The following KCNIP1 variants were observed in gnomAD, a reference collection of about 807,000 sequenced individuals.
KCNIP1 encodes the protein potassium voltage-gated channel interacting protein 1, also known as A-type potassium channel modulatory protein KCNIP1.
KCNIP1 carries 18 observed loss-of-function variants against 33.0 expected under a neutral mutation model. The ratio of observed to expected loss-of-function variants is 0.55; its 90% CI spans 0.38 to 0.81. KCNIP1 has a LOEUF of 0.81. Ranked by LOEUF, KCNIP1 falls within the 30% of genes least tolerant of loss-of-function variation. The pLI is 0.00. For missense variants in KCNIP1, 238 were observed against 271.6 expected (o/e 0.88, Z 0.87); for synonymous variants, 93 against 98.3 (o/e 0.95, Z 0.32).
chr5:170,529,549 C>T (rs186475112), intron 1 of KCNIP1, among the ~76,000 whole-genome samples: 20 of 152,328 alleles, frequency 1.3e-4, no homozygotes, highest in African/African-American at 4.6e-4. Context: ...ACACAGGTTT[C>T]TGTAAAGCCT....
chr5:170,662,459 C>T (rs1761536582), intron 1 of KCNIP1, among the ~76,000 whole-genome samples: 1 of 152,164 alleles, frequency 6.6e-6, no homozygotes, highest in East Asian at 1.9e-4. Flanking sequence ...CCAAGACTGC[C>T]CAGGTCTCCG....
At chr5:170,602,569 C>T (rs544265718) in intron 1 of KCNIP1, among the ~76,000 whole-genome samples, 4 of 152,350 alleles carry the variant, frequency 2.6e-5, no homozygotes, top group South Asian at 2.1e-4. Flanking sequence ...AGGACCACAG[C>T]GGTGACCACT....
intron 1 of KCNIP1, among the ~76,000 whole-genome samples, chr5:170,653,653 G>A (rs6889236): frequency 0.38 from 56,943 of 151,546 alleles, 10,910 homozygotes; most frequent in East Asian, 0.5. Context: ...GGCCTGGAGC[G>A]GCACAGCATT....
At chr5:170,651,032 T>C (rs1761024193) in intron 1 of KCNIP1, among the ~76,000 whole-genome samples, 1 of 152,170 alleles carries the variant, frequency 6.6e-6, no homozygotes, top group Non-Finnish European at 1.5e-5. Context: ...AAGGGGAAAT[T>C]TAGGCCCAAA....
chr5:170,571,653 C>T (rs529395469), intron 1 of KCNIP1, among the ~76,000 whole-genome samples: 1 of 152,274 alleles, frequency 6.6e-6, no homozygotes, highest in East Asian at 1.9e-4. Flanking sequence ...GAGAGCACGT[C>T]CATCTGACTC....
intron 1 of KCNIP1, among the ~76,000 whole-genome samples, chr5:170,682,793 T>TTTTTC (rs1762401635): frequency 7.9e-6 from 1 of 127,244 alleles, no homozygotes; most frequent in South Asian, 3.0e-4. Flanking sequence ...TCTTTTTTTT[T>TTTTTC]TTTTTTTTTT....
At chr5:170,362,145 AG>A (rs1319299689) in intron 1 of KCNIP1, among the ~76,000 whole-genome samples, 3 of 152,146 alleles carry the variant, frequency 2.0e-5, no homozygotes, top group African/African-American at 7.2e-5. Context: ...GAAACCTAGG[AG>A]GTGGAGTGCT....
At chr5:170,702,493 G>C (rs577215940) in intron 1 of KCNIP1, among the ~76,000 whole-genome samples, 159 of 152,334 alleles carry the variant, frequency 1.0e-3, no homozygotes, top group Middle Eastern at 3.4e-3. Context: ...ATGGGTGGCA[G>C]AGAGCTTGAG....
At chr5:170,471,566 T>G (rs1756728634) in intron 1 of KCNIP1, among the ~76,000 whole-genome samples, 2 of 152,322 alleles carry the variant, frequency 1.3e-5, no homozygotes, top group Admixed American at 1.3e-4. Context: ...AGCTGGGATT[T>G]AAAGTCCGCC....
At chr5:170,624,462 G>A (rs549756739) in intron 1 of KCNIP1, among the ~76,000 whole-genome samples, 24 of 152,106 alleles carry the variant, frequency 1.6e-4, no homozygotes, top group Admixed American at 8.5e-4. Context: ...ATCTTTAACT[G>A]TATTCTCTCG....
At chr5:170,611,725 G>A (rs1478913057) in intron 1 of KCNIP1, among the ~76,000 whole-genome samples, 1 of 152,174 alleles carries the variant, frequency 6.6e-6, no homozygotes, top group Non-Finnish European at 1.5e-5. Flanking sequence ...AGAGGAAAGA[G>A]CAGGAACTTT....
intron 1 of KCNIP1, among the ~76,000 whole-genome samples, chr5:170,534,848 CAG>C (rs1755917279): frequency 6.7e-6 from 1 of 149,420 alleles, no homozygotes; most frequent in Non-Finnish European, 1.5e-5. Flanking sequence ...TTTTTTTTAA[CAG>C]AGGCTACAGA....
At chr5:170,424,015 C>A (rs1279066166) in intron 1 of KCNIP1, among the ~76,000 whole-genome samples, 1 of 152,218 alleles carries the variant, frequency 6.6e-6, no homozygotes, top group Non-Finnish European at 1.5e-5. Flanking sequence ...ATATTGTTTG[C>A]ATGATGATTT....
chr5:170,544,977 C>T (rs1393443014), intron 1 of KCNIP1, among the ~76,000 whole-genome samples: 1 of 152,100 alleles, frequency 6.6e-6, no homozygotes, highest in Non-Finnish European at 1.5e-5. Context: ...GTTTTTCATT[C>T]CTTCTTGCAA....
chr5:170,573,810 T>C (rs1757501321), intron 1 of KCNIP1, among the ~76,000 whole-genome samples: 1 of 152,258 alleles, frequency 6.6e-6, no homozygotes, highest in East Asian at 1.9e-4. Flanking sequence ...AGAGACCTTA[T>C]GGCCCATAGA....
chr5:170,554,674 G>A (rs1427021682), intron 1 of KCNIP1, among the ~76,000 whole-genome samples: 1 of 152,210 alleles, frequency 6.6e-6, no homozygotes, highest in African/African-American at 2.4e-5. Flanking sequence ...GATAGCAAAT[G>A]TCTTTGCAGG....
At chr5:170,601,643 A>G (rs750093383) in intron 1 of KCNIP1, among the ~76,000 whole-genome samples, 36 of 152,248 alleles carry the variant, frequency 2.4e-4, no homozygotes, top group Non-Finnish European at 3.8e-4. Flanking sequence ...AGGAAGCAGA[A>G]AAAAGATTGC....
intron 1 of KCNIP1, among the ~76,000 whole-genome samples, chr5:170,388,767 C>G (rs1452712091): frequency 6.6e-6 from 1 of 152,282 alleles, no homozygotes; most frequent in African/African-American, 2.4e-5. Flanking sequence ...GACTGTGAAA[C>G]GAGAACCATG....
At chr5:170,437,163 C>T (rs1030482446) in intron 1 of KCNIP1, among the ~76,000 whole-genome samples, 3 of 152,198 alleles carry the variant, frequency 2.0e-5, no homozygotes, top group African/African-American at 4.8e-5. Context: ...TTCTTCTCTG[C>T]GTCTCTGCAT....
Sources: allele counts gnomAD v4.1 joint callset (sites outside exome capture counted in the v4.1 genomes callset), GRCh38; gene constraint gnomAD v4.1.1; transcripts MANE v1.5; gene names NCBI Gene and HGNC (gene_info 2026-07-23, HGNC 2026-07-21).